AMD1: variants seen among roughly 807,000 people sequenced by gnomAD.
The protein encoded by AMD1 is S-adenosylmethionine decarboxylase proenzyme.
In AMD1, 11 loss-of-function variants were observed where a neutral mutation model predicts 40.2. The ratio of observed to expected loss-of-function variants is 0.27; its 90% confidence interval spans 0.17 to 0.45. AMD1 has a LOEUF of 0.45. Ranked by LOEUF, AMD1 falls within the 20% of genes least tolerant of loss-of-function variation. The pLI is 1.00. For missense variants in AMD1, 257 were observed against 410.2 expected (o/e 0.63, Z 3.23); for synonymous variants, 121 against 130.8 (o/e 0.93, Z 0.51).
chr6:110,882,438 T>G (rs1785460077), intron 1 of AMD1, among the ~76,000 whole-genome samples: 1 of 152,202 alleles, frequency 6.6e-6, no homozygotes, highest in South Asian at 2.1e-4. Flanking sequence ...AATGTATAAA[T>G]GAATGGGTGT....
At chr6:110,858,618 T>C in the AMD1 span, 1 of 1,504,102 alleles carries the variant, frequency 6.6e-7, no homozygotes, top group Non-Finnish European at 9.2e-7. Flanking sequence ...CTTCTCGCCC[T>C]GGTGAGTAAG....
Position 110,893,666 on chromosome 6 carries a change from G to A in AMD1, c.*50G>A. ...AAAAAGAGAACACATGTAGAAGGTG[G>A]TGGATGCTTTCTAGATGTCGATGCT... On this transcript the variant is annotated 3_prime_UTR_variant, in exon 9 of 9. Transcript: ENST00000368885. The A allele has an allele frequency of 6.3e-7, 1 of 1,591,522 alleles. No individual in the cohort carries two copies. Among genetic ancestry groups the A allele is most frequent in the Non-Finnish European group, 8.5e-7 (1 of 1,171,938 alleles).
the AMD1 span, among the ~76,000 whole-genome samples, chr6:110,853,414 C>G: frequency 1.3e-5 from 2 of 151,940 alleles, no homozygotes; most frequent in South Asian, 4.2e-4. Flanking sequence ...TTCAAGCGAC[C>G]CTCCTGCCTC....
At chr6:110,843,888 C>A in the AMD1 span, among the ~76,000 whole-genome samples, 16 of 152,198 alleles carry the variant, frequency 1.1e-4, no homozygotes, top group East Asian at 2.5e-3. Flanking sequence ...GAGCTCGGCC[C>A]CTTTTCCACT....
chr6:110,877,429 A>AG (rs1491131848), intron 1 of AMD1, among the ~76,000 whole-genome samples: 4 of 152,272 alleles, frequency 2.6e-5, no homozygotes, highest in Non-Finnish European at 5.9e-5. Flanking sequence ...AGCCTAGCAA[A>AG]GAGAGTATCA....
At chr6:110,849,846 C>T in the AMD1 span, among the ~76,000 whole-genome samples, 1 of 151,948 alleles carries the variant, frequency 6.6e-6, no homozygotes, top group Admixed American at 6.6e-5. Context: ...ATGGCAAGAC[C>T]CTATCTCTAC....
upstream of AMD1, among the ~76,000 whole-genome samples, chr6:110,869,880 C>G (rs1456538980): frequency 6.6e-6 from 1 of 152,178 alleles, no homozygotes; most frequent in Non-Finnish European, 1.5e-5. Context: ...GTAAAACTTG[C>G]ATTGACATTA....
the AMD1 span, among the ~76,000 whole-genome samples, chr6:110,825,305 G>T: frequency 2.6e-5 from 4 of 152,056 alleles, no homozygotes; most frequent in Non-Finnish European, 4.4e-5. Flanking sequence ...TGTATTATGG[G>T]TAACTAGTAA....
chr6:110,826,143 G>A, the AMD1 span, among the ~76,000 whole-genome samples: 2 of 148,222 alleles, frequency 1.3e-5, no homozygotes, highest in Admixed American at 6.8e-5. Context: ...CTCCAGCCTG[G>A]GCAACAGAGA....
At chr6:110,856,958 G>T in the AMD1 span, among the ~76,000 whole-genome samples, 2 of 152,054 alleles carry the variant, frequency 1.3e-5, no homozygotes, top group Admixed American at 1.3e-4. Context: ...GAGGTCAGGA[G>T]TTCAAGACCA....
chr6:110,838,454 G>A, the AMD1 span, among the ~76,000 whole-genome samples: 1 of 152,094 alleles, frequency 6.6e-6, no homozygotes, highest in Non-Finnish European at 1.5e-5. Context: ...CAAACTCTGG[G>A]TTTTAGCAAT....
chr6:110,829,598 G>A, the AMD1 span, among the ~76,000 whole-genome samples: 3 of 151,974 alleles, frequency 2.0e-5, no homozygotes, highest in Non-Finnish European at 4.4e-5. Context: ...GAACCCAGGA[G>A]GCAGAGCTTG....
chr6:110,880,878 G>A (rs940586149), intron 1 of AMD1, among the ~76,000 whole-genome samples: 3 of 152,060 alleles, frequency 2.0e-5, no homozygotes, highest in African/African-American at 7.2e-5. Flanking sequence ...CGCTATGTTG[G>A]TCAGGCTGGT....
At chr6:110,883,541 C>T (rs909626848) in intron 1 of AMD1, among the ~76,000 whole-genome samples, 30 of 152,202 alleles carry the variant, frequency 2.0e-4, no homozygotes, top group African/African-American at 6.8e-4. Context: ...CCTTTAGCAG[C>T]TGTGGCAGTT....
At chr6:110,837,550 A>G in the AMD1 span, among the ~76,000 whole-genome samples, 1 of 149,172 alleles carries the variant, frequency 6.7e-6, no homozygotes, top group Non-Finnish European at 1.5e-5. Context: ...GTCTCTATTA[A>G]AAGTACAAAA....
At chr6:110,857,624 GTATATATATAGATGGTA>G in the AMD1 span, among the ~76,000 whole-genome samples, 266 of 135,312 alleles carry the variant, frequency 2.0e-3, no homozygotes, top group Non-Finnish European at 2.3e-3. Context: ...TATATAGGTG[GTATATATATAGATGGTA>G]TATATATATA....
At chr6:110,858,847 C>T in the AMD1 span, 7 of 784,380 alleles carry the variant, frequency 8.9e-6, no homozygotes, top group Non-Finnish European at 1.6e-5. Context: ...CCATGGACAA[C>T]TTAACCATCA....
intron 1 of AMD1, among the ~76,000 whole-genome samples, chr6:110,879,322 C>T (rs963186020): frequency 6.6e-6 from 1 of 152,160 alleles, no homozygotes; most frequent in Non-Finnish European, 1.5e-5. Context: ...CCAGTGCGCT[C>T]CATCTGGTGG....
chr6:110,876,630 T>C (rs912345268), intron 1 of AMD1, among the ~76,000 whole-genome samples: 1 of 151,912 alleles, frequency 6.6e-6, no homozygotes, highest in Non-Finnish European at 1.5e-5. Flanking sequence ...TTTTCAAGCT[T>C]CGTGTGACAC....
Sources: gnomAD v4.1 joint callset for allele counts (sites outside exome capture counted in the v4.1 genomes callset) on GRCh38, gnomAD v4.1.1 for gene constraint, MANE v1.5 for transcripts, NCBI Gene and HGNC (gene_info 2026-07-23, HGNC 2026-07-21) for gene names.